KIAA0586: variants seen among roughly 807,000 people sequenced by gnomAD.
The protein encoded by KIAA0586 is protein TALPID3.
In KIAA0586, 144 loss-of-function variants were observed where a neutral mutation model predicts 169.8. The ratio of observed to expected loss-of-function variants is 0.85; its 90% CI spans 0.74 to 0.97. The LOEUF (loss-of-function observed/expected upper bound fraction) is 0.97, where lower values mean the gene tolerates loss of function less well. Ranked by LOEUF, KIAA0586 falls within the 50% of genes least tolerant of loss-of-function variation. KIAA0586 has a pLI of 0.00. For synonymous variants in KIAA0586, 625 were observed against 612.4 expected (o/e 1.02, Z -0.30); for missense variants, 1,854 against 1,823.0 (o/e 1.02, Z -0.31).
Position 58,488,718 on chromosome 14 carries a change from G to C in KIAA0586, c.3625G>C (p.Gly1209Arg), listed in dbSNP as rs1013600621. ...AGTTCCCTTTATGCCATTTCCTGCC[G>C]GCACCAAGGCCCCTTCCCCCTCACA... ...EPVPFMPFPA[G>R]TKAPSPSQMP... is the part of the protein sequence containing the mutation. Residue 1209 changes from glycine to arginine, a missense_variant, in exon 24 of 31, where the codon GGC (glycine) becomes CGC (arginine). Gly to Arg is a moderately radical substitution (Grantham distance 125, BLOSUM62 -2). Coordinates refer to ENST00000652326, the MANE Select transcript of KIAA0586 (RefSeq NM_001329943.3). 2 of 1,613,700 alleles carry C rather than the reference G, an allele frequency of 1.2e-6. No individual in the cohort carries two copies. Among genetic ancestry groups the C allele is most frequent in the Non-Finnish European group, 1.7e-6 (2 of 1,179,824 alleles).
chr14:58,547,615 C>T (rs927857846), intron 30 of KIAA0586, among the ~76,000 whole-genome samples, 166 bp from the exon 31 acceptor site: 1 of 152,124 alleles, frequency 6.6e-6, no homozygotes, highest in Non-Finnish European at 1.5e-5. Flanking sequence ...TGTATTTTAC[C>T]TCTCTGACAA....
At chr14:58,484,924 A>ATATATACATATTT (rs1566877360) in intron 21 of KIAA0586, among the ~76,000 whole-genome samples, 2 of 13,048 alleles carry the variant, frequency 1.5e-4, no homozygotes, top group African/African-American at 6.2e-4. Flanking sequence ...ATATATATAT[A>ATATATACATATTT]TTTTTTTTTT....
rs2040171929 is a variant in KIAA0586, at chr14:58,459,722, T to C, written c.1657-121T>C. On this transcript the variant is annotated intron_variant, in intron 12 of 30. Transcript: ENST00000652326. The stretch of plus-strand genomic sequence containing the variant: ...TAAAGCCAATATCCTTTATTTTTAA[T>C]GCATTTAAAACTGCTAAACTGTATT... The C allele has an allele frequency of 1.0e-5, 5 of 499,760 alleles. No homozygotes were observed. The South Asian group carries it at 1.9e-4, about 19-fold the overall frequency. 31.0% of individuals were successfully genotyped at this position (499,760 alleles called of 1,614,324 possible).
At position 58,531,339 on chromosome 14, in the gene KIAA0586, A is replaced by AT. The variant is rs2045953865; in HGVS notation, c.4430-8732_4430-8731insT. ...GAGACTCCGTCTCAAAAAAAAAAAA[A>AT]AATAAAATAAATAAAAAATAAAAAA... On this transcript the variant is annotated intron_variant, in intron 29 of 30. Coordinates refer to ENST00000652326, the MANE Select transcript of KIAA0586 (RefSeq NM_001329943.3). Among the ~76,000 whole-genome samples the AT allele has an allele frequency of 3.4e-5, 5 of 145,086 alleles. 1 individual carries two copies. In the South Asian group the frequency reaches 6.3e-4, roughly 18 times the overall value.
At chr14:58,546,149 A>G (rs1352910980) in intron 30 of KIAA0586, among the ~76,000 whole-genome samples, 4 of 152,228 alleles carry the variant, frequency 2.6e-5, no homozygotes, top group African/African-American at 9.6e-5. Flanking sequence ...ATTTAAATTC[A>G]CATAAAACTT....
At chr14:58,430,285 T>G (rs1172586200) in intron 2 of KIAA0586, among the ~76,000 whole-genome samples, 1 of 152,162 alleles carries the variant, frequency 6.6e-6, no homozygotes, top group Admixed American at 6.5e-5. Flanking sequence ...TGTGCCATCC[T>G]TATCTACTCC....
chr14:58,430,721 A>C lies in KIAA0586; in HGVS notation c.340+4A>C. 2 of 1,536,812 alleles carry C rather than the reference A, an allele frequency of 1.3e-6. No homozygotes were observed. Among genetic ancestry groups the C allele is most frequent in the South Asian group, 2.3e-5 (2 of 87,270 alleles). On this transcript the variant is annotated splice_donor_region_variant and intron_variant, in intron 3 of 30. Transcript: ENST00000652326. ...GAAGAGAACAACAAGCAAAAAGGTAAAAGAATAATATTGATTTTTTTAAAT... is the reference window on the plus strand; with the variant it reads ...GAAGAGAACAACAAGCAAAAAGGTACAAGAATAATATTGATTTTTTTAAAT...
At chr14:58,479,816 C>G (rs1364013210) in intron 20 of KIAA0586, among the ~76,000 whole-genome samples, 2 of 152,052 alleles carry the variant, frequency 1.3e-5, no homozygotes, top group East Asian at 1.9e-4. Context: ...ACCTTAACAC[C>G]TTGGTTGAAA....
At chr14:58,519,739 C>T (rs1490615085) in intron 29 of KIAA0586, among the ~76,000 whole-genome samples, 2 of 152,234 alleles carry the variant, frequency 1.3e-5, no homozygotes, top group African/African-American at 4.8e-5. Context: ...TTTAAGAGAG[C>T]TTGTTTCCCA....
At chr14:58,537,069 T>C in intron 29 of KIAA0586, 1 of 1,263,440 alleles carries the variant, frequency 7.9e-7, no homozygotes, top group East Asian at 6.0e-5. Flanking sequence ...TTTCAAGTTG[T>C]GTTGACCTAG....
chr14:58,430,970 T>C (rs1041733880), intron 3 of KIAA0586, among the ~76,000 whole-genome samples: 2 of 152,234 alleles, frequency 1.3e-5, no homozygotes, highest in African/African-American at 4.8e-5. Flanking sequence ...AGGTACGTTA[T>C]ATAAGTAGAA....
At chr14:58,498,337 A>G (rs1426325605) in intron 26 of KIAA0586, among the ~76,000 whole-genome samples, 2 of 151,774 alleles carry the variant, frequency 1.3e-5, no homozygotes, top group African/African-American at 4.8e-5. Context: ...TGTGATGCCC[A>G]GCTAATTTTT....
chr14:58,516,630 G>A (rs1187627383), intron 29 of KIAA0586, among the ~76,000 whole-genome samples: 1 of 152,148 alleles, frequency 6.6e-6, no homozygotes, highest in Non-Finnish European at 1.5e-5. Flanking sequence ...GGATTTCTGG[G>A]TAGAAGTTGA....
At position 58,487,167 on chromosome 14, in the gene KIAA0586, G is replaced by A. The variant is rs2042513618; in HGVS notation, c.3304+1G>A. ...GTGAAAGAAATATGTGCTGAAAAAG[G>A]TAGAAACTTTATTTCTATAACTCGG... On this transcript the variant is annotated splice_donor_variant, in intron 22 of 30. Transcript: ENST00000652326. LOFTEE classifies it high-confidence loss of function. 1 of 1,607,594 alleles carries A rather than the reference G, an allele frequency of 6.2e-7. No individual in the cohort carries two copies. The highest frequency in any genetic ancestry group is 1.3e-5 in the African/African-American group (1 of 74,590).
intron 16 of KIAA0586, among the ~76,000 whole-genome samples, chr14:58,468,950 C>T (rs888081994): frequency 2.6e-5 from 4 of 152,176 alleles, no homozygotes; most frequent in African/African-American, 9.7e-5. Context: ...AGACTTGCCT[C>T]ATTCTTGGAT....
In KIAA0586 at chr14:58,482,666, C is replaced by A. The variant is rs1333268213; in HGVS notation, c.3098C>A (p.Ala1033Asp). The A allele has an allele frequency of 1.0e-5, 16 of 1,596,832 alleles. No homozygotes were observed. The highest frequency in any genetic ancestry group is 1.4e-5 in the Non-Finnish European group (16 of 1,172,264). Residue 1033 changes from alanine to aspartate, a missense_variant, in exon 21 of 31, where the codon GCT (alanine) becomes GAT (aspartate). Ala to Asp is a moderately radical substitution (Grantham distance 126). Transcript: ENST00000652326. ...DREAKKQGPV[A>D]TGVSGDASTN... is the part of the protein sequence containing the mutation. ...GAAGCAAAGAAGCAAGGTCCTGTTG[C>A]TACAGGTGTTTCTGGGGATGCTTCA...
At chr14:58,507,165 G>GTATATATA (rs35984192) in intron 27 of KIAA0586, among the ~76,000 whole-genome samples, 1 of 139,176 alleles carries the variant, frequency 7.2e-6, no homozygotes, top group Non-Finnish European at 1.5e-5. Context: ...AAAAAAAAGT[G>GTATATATA]TATATATATA....
chr14:58,453,109 G>A (rs1350384179), intron 8 of KIAA0586, among the ~76,000 whole-genome samples: 3 of 151,622 alleles, frequency 2.0e-5, no homozygotes, highest in Non-Finnish European at 2.9e-5. Flanking sequence ...AGTAGAGACG[G>A]GGTTTCTCCA....
the KIAA0586 span, among the ~76,000 whole-genome samples, chr14:58,560,222 A>G: frequency 1.3e-5 from 2 of 151,732 alleles, no homozygotes; most frequent in Non-Finnish European, 2.9e-5. Flanking sequence ...GGGAGGGCCC[A>G]GGTGATTCTG....
Sources: gnomAD v4.1 joint callset for allele counts (sites outside exome capture counted in the v4.1 genomes callset) on GRCh38, gnomAD v4.1.1 for gene constraint, MANE v1.5 for transcripts, NCBI Gene and HGNC (gene_info 2026-07-23, HGNC 2026-07-21) for gene names.